Variants in LAMA1 observed in about 807,000 individuals in gnomAD.
LAMA1 encodes the protein laminin subunit alpha-1.
In LAMA1, 219 loss-of-function variants were observed where a neutral mutation model predicts 348.7. The observed-to-expected ratio is 0.63, with a 90% confidence interval of 0.56 to 0.70. The LOEUF is 0.70. LAMA1 is among the 30% of genes least tolerant of loss of function. The pLI is 0.00. For synonymous variants in LAMA1, 1,487 were observed against 1,491.0 expected, an observed-to-expected ratio of 1.00 and a Z score of 0.06; for missense variants, 3,744 against 3,888.0, an observed-to-expected ratio of 0.96 and a Z score of 0.99.
intron 23 of LAMA1, 117 bp downstream of exon 23, chr18:7,013,698 G>T: frequency 2.3e-6 from 2 of 884,468 alleles, no homozygotes; most frequent in Non-Finnish European, 3.7e-6. Flanking sequence ...GCGGAAGGGA[G>T]TGTGAACTCA....
intron 28 of LAMA1, among the ~76,000 whole-genome samples, chr18:7,007,546 A>C (rs79102185): frequency 0.15 from 23,519 of 151,852 alleles, 2,482 homozygotes; most frequent in African/African-American, 0.3. Context: ...GGAAAATGGC[A>C]CAGGAAAAAC....
At chr18:7,066,953 G>C (rs924201106) in intron 3 of LAMA1, among the ~76,000 whole-genome samples, 3 of 152,204 alleles carry the variant, frequency 2.0e-5, no homozygotes, top group African/African-American at 7.2e-5. Flanking sequence ...GCATAACTTA[G>C]AATAGCCCCA....
intron 3 of LAMA1, chr18:7,079,395 T>C (rs2058183722): frequency 6.2e-6 from 1 of 160,392 alleles, no homozygotes. Flanking sequence ...GGTAAGGAGA[T>C]GCAGGTGTGG....
At chr18:7,069,188 T>C (rs954138164) in intron 3 of LAMA1, among the ~76,000 whole-genome samples, 2 of 152,192 alleles carry the variant, frequency 1.3e-5, no homozygotes, top group South Asian at 2.1e-4. Flanking sequence ...CCACCGATAA[T>C]ATGTAAGCGA....
At chr18:7,054,866 A>G (rs2058075292) in intron 3 of LAMA1, among the ~76,000 whole-genome samples, 1 of 152,126 alleles carries the variant, frequency 6.6e-6, no homozygotes, top group African/African-American at 2.4e-5. Context: ...TTTAATAACA[A>G]TTTCTTTTCT....
chr18:7,098,638 A>C (rs2058274734), intron 1 of LAMA1, among the ~76,000 whole-genome samples: 1 of 143,318 alleles, frequency 7.0e-6, no homozygotes, highest in South Asian at 2.2e-4. Context: ...AGAAGTGAGG[A>C]GCCTCTCCGA....
intron 15 of LAMA1, 101 bp from the exon 16 acceptor site, chr18:7,032,277 T>C (rs374334694): frequency 1.3e-5 from 10 of 756,430 alleles, no homozygotes; most frequent in East Asian, 2.7e-5. Context: ...ACATCTTAAC[T>C]GAGGTATCAT....
intron 29 of LAMA1, among the ~76,000 whole-genome samples, chr18:7,006,209 G>A (rs751674951): frequency 5.9e-5 from 9 of 152,036 alleles, no homozygotes; most frequent in Non-Finnish European, 8.8e-5. Context: ...ATTTGTCCTC[G>A]GTCAGGGCTG....
intron 23 of LAMA1, among the ~76,000 whole-genome samples, chr18:7,013,074 T>C (rs1362540156): frequency 6.6e-6 from 1 of 151,792 alleles, no homozygotes; most frequent in African/African-American, 2.4e-5. Context: ...GGCAGGAGAA[T>C]TGCTTGAACC....
At position 7,074,415 on chromosome 18, in the gene LAMA1, A is replaced by G. The variant is rs1307972354; in HGVS notation, c.345+5560T>C. On this transcript the variant is annotated intron_variant, in intron 3 of 62. Coordinates refer to ENST00000389658, the MANE Select transcript of LAMA1 (RefSeq NM_005559.4). Reference sequence around the variant, plus strand: ...TGTTCTTCTACTGAGAAATGCTACCATAGGGAATAAATTTTCCTGTAATTC... The same window carrying G: ...TGTTCTTCTACTGAGAAATGCTACCGTAGGGAATAAATTTTCCTGTAATTC... Among the ~76,000 whole-genome samples, 4 of 152,318 alleles carry G rather than the reference A, an allele frequency of 2.6e-5. No individual in the cohort carries two copies. The East Asian group carries it at 7.7e-4, about 29-fold the overall frequency.
chr18:6,980,381 C>A, intron 42 of LAMA1, 140 bp downstream of exon 42: 3 of 658,520 alleles, frequency 4.6e-6, no homozygotes, highest in Middle Eastern at 3.4e-4. Flanking sequence ...TATTCCTTTG[C>A]AAGTAAAAAT....
intron 61 of LAMA1, among the ~76,000 whole-genome samples, chr18:6,945,914 G>T (rs2057519483): frequency 6.6e-6 from 1 of 152,056 alleles, no homozygotes; most frequent in African/African-American, 2.4e-5. Flanking sequence ...GGGCCATCGA[G>T]ACTCCCTTCC....
In LAMA1 at chr18:6,944,573, TCTGA is replaced by T. The variant is rs536948887; in HGVS notation, c.8845-1175_8845-1172del. Among the ~76,000 whole-genome samples the T allele has an allele frequency of 3.9e-5, 6 of 152,294 alleles. No homozygotes were observed. The South Asian group carries it at 1.0e-3, about 26-fold the overall frequency. On this transcript the variant is annotated intron_variant, in intron 61 of 62. Coordinates refer to ENST00000389658, the MANE Select transcript of LAMA1 (RefSeq NM_005559.4). ...AGTGACTAGGGTGGCCCTCATCCAA[TCTGA>T]CTGTGTCTTTATAAGAAGAGATTAG...
chr18:7,019,674 C>CTTTTTTTTT (rs35235323), intron 19 of LAMA1, among the ~76,000 whole-genome samples: 2 of 94,546 alleles, frequency 2.1e-5, no homozygotes, highest in Non-Finnish European at 3.8e-5. Flanking sequence ...TATGGTAATT[C>CTTTTTTTTT]TTTTTTTTTT....
chr18:7,100,245 G>C, intron 1 of LAMA1, among the ~76,000 whole-genome samples: 1 of 152,082 alleles, frequency 6.6e-6, no homozygotes, highest in Non-Finnish European at 1.5e-5. Context: ...GAATGGCTAA[G>C]AAGCATCTGA....
In LAMA1 at chr18:7,036,057, G is replaced by C; in HGVS notation, c.1769C>G (p.Thr590Arg). 1 of 1,614,084 alleles carries C rather than the reference G, an allele frequency of 6.2e-7. No individual in the cohort carries two copies. Among genetic ancestry groups the C allele is most frequent in the South Asian group, 1.1e-5 (1 of 91,078 alleles). ...LTAFGGFLKY[T>R]VSYDIPVETV... ...CTCTACCGGAATATCGTAGGACACC[G>C]TGTATTTCAGGAATCCGCCAAACGC... The change falls in exon 13 of 63, where the codon ACG becomes AGG. Residue 590 changes from threonine (T) to arginine (R), a missense_variant. By Grantham distance (71) the Thr-to-Arg change is moderately conservative. Transcript: ENST00000389658.
At position 7,023,180 on chromosome 18, in the gene LAMA1, T is replaced by C; in HGVS notation, c.2685A>G (p.Thr895=). ...CADGFYGDAV[T]AKNCRACECH... ...CGCACTCACCGCGGCAGTTCTTGGCTGTCACAGCGTCCCCATAGAACCCGT... is the reference window on the plus strand; with the variant it reads ...CGCACTCACCGCGGCAGTTCTTGGCCGTCACAGCGTCCCCATAGAACCCGT... Residue 895 remains threonine, a synonymous_variant, in exon 19 of 63, where the codon ACA becomes ACG. Transcript: ENST00000389658. 1 of 1,612,772 alleles carries C rather than the reference T, an allele frequency of 6.2e-7. No individual in the cohort carries two copies. The highest frequency in any genetic ancestry group is 1.1e-5 in the South Asian group (1 of 90,968).
intron 3 of LAMA1, among the ~76,000 whole-genome samples, chr18:7,072,090 T>G (rs1198566954): frequency 3.3e-5 from 5 of 152,202 alleles, no homozygotes; most frequent in Non-Finnish European, 7.3e-5. Context: ...ATCTTCCATT[T>G]TTCTATGATG....
At chr18:7,006,816 C>T (rs1298469708) in intron 29 of LAMA1, among the ~76,000 whole-genome samples, 1 of 152,152 alleles carries the variant, frequency 6.6e-6, no homozygotes, top group Non-Finnish European at 1.5e-5. Context: ...AGTAAAAACA[C>T]AGTATTATAG....
Sources: allele counts gnomAD v4.1 joint callset (sites outside exome capture counted in the v4.1 genomes callset), GRCh38; gene constraint gnomAD v4.1.1; transcripts MANE v1.5; gene names NCBI Gene and HGNC (gene_info 2026-07-23, HGNC 2026-07-21).